HPSE2: variants seen among roughly 807,000 people sequenced by gnomAD.
HPSE2 encodes heparanase 2 (inactive), also known as inactive heparanase-2.
In HPSE2, 38 loss-of-function variants were observed where a neutral mutation model predicts 60.5. The ratio of observed to expected loss-of-function variants is 0.63; its 90% CI spans 0.48 to 0.82. The LOEUF (loss-of-function observed/expected upper bound fraction) is 0.82. Ranked by LOEUF, HPSE2 falls within the 40% of genes least tolerant of loss-of-function variation. The pLI is 0.00. For synonymous variants in HPSE2, 295 were observed against 293.2 expected (o/e 1.01, Z -0.06); for missense variants, 713 against 740.4 (o/e 0.96, Z 0.43).
chr10:99,235,294 G>A (rs953600674), intron 1 of HPSE2, among the ~76,000 whole-genome samples: 1 of 152,142 alleles, frequency 6.6e-6, no homozygotes, highest in African/African-American at 2.4e-5. Flanking sequence ...AATGCCTTCT[G>A]CATTGCAAAC....
the HPSE2 span, among the ~76,000 whole-genome samples, chr10:99,247,195 A>G: frequency 6.6e-6 from 1 of 152,194 alleles, no homozygotes; most frequent in East Asian, 1.9e-4. Context: ...ACAAAGATAA[A>G]CTATCTTAAT....
In HPSE2 at chr10:99,062,495, T is replaced by C. The variant is rs79536585; in HGVS notation, c.610+81743A>G. 4.5e-3 allele frequency among the ~76,000 whole-genome samples: 687 copies of C among 152,272 alleles called. 3 individuals are homozygous for C. Among genetic ancestry groups the C allele is most frequent in the African/African-American group, 0.016 (657 of 41,560 alleles). On this transcript the variant is annotated intron_variant, in intron 3 of 11. Transcript: ENST00000370552. Reference sequence around the variant, plus strand: ...CTTCCCATTAAATATTTTGAGAGCATTTTAAATAGCTTTTTTTTTCTGTTG... The same window carrying C: ...CTTCCCATTAAATATTTTGAGAGCACTTTAAATAGCTTTTTTTTTCTGTTG...
intron 2 of HPSE2, among the ~76,000 whole-genome samples, chr10:99,197,699 A>G (rs1246178917): frequency 6.6e-6 from 1 of 152,112 alleles, no homozygotes; most frequent in Non-Finnish European, 1.5e-5. Context: ...AACAAGACAG[A>G]GAGAATATAT....
intron 9 of HPSE2, among the ~76,000 whole-genome samples, chr10:98,574,660 G>A (rs1944593173): frequency 6.7e-6 from 1 of 149,612 alleles, no homozygotes; most frequent in African/African-American, 2.5e-5. Flanking sequence ...GCAAAGCCCA[G>A]GGAGCAGTGA....
intron 3 of HPSE2, among the ~76,000 whole-genome samples, chr10:98,866,140 A>G (rs1207803579): frequency 6.6e-6 from 1 of 152,170 alleles, no homozygotes; most frequent in Non-Finnish European, 1.5e-5. Flanking sequence ...GACATACTGT[A>G]CTTCCATATG....
chr10:98,792,640 CAAAAA>C (rs60889251), intron 3 of HPSE2, among the ~76,000 whole-genome samples: 1 of 139,720 alleles, frequency 7.2e-6, no homozygotes. Flanking sequence ...CAAATTCCTA[CAAAAA>C]AAAAAAAAAA....
chr10:98,570,301 C>G (rs1185895625), intron 9 of HPSE2, among the ~76,000 whole-genome samples: 2 of 152,176 alleles, frequency 1.3e-5, no homozygotes, highest in Non-Finnish European at 2.9e-5. Context: ...ATCTGCATGG[C>G]ACGGCTCCTG....
chr10:98,730,367 T>C (rs866397438), intron 4 of HPSE2, among the ~76,000 whole-genome samples: 34 of 152,182 alleles, frequency 2.2e-4, no homozygotes, highest in African/African-American at 7.5e-4. Flanking sequence ...GTGCCTATAT[T>C]AGAAATGAAC....
chr10:98,807,077 A>G (rs1034553026), intron 3 of HPSE2, among the ~76,000 whole-genome samples: 3 of 152,200 alleles, frequency 2.0e-5, no homozygotes, highest in Admixed American at 2.0e-4. Context: ...CAGGAGGTGG[A>G]TGTTGCAGTG....
chr10:98,788,934 C>G (rs1014005342), intron 3 of HPSE2, among the ~76,000 whole-genome samples: 2 of 152,122 alleles, frequency 1.3e-5, no homozygotes, highest in Non-Finnish European at 2.9e-5. Context: ...AGCTGTAGAC[C>G]GGAGCTGTTC....
intron 2 of HPSE2, among the ~76,000 whole-genome samples, chr10:99,145,027 A>G (rs1268104942): frequency 6.6e-6 from 1 of 152,208 alleles, no homozygotes; most frequent in Admixed American, 6.5e-5. Flanking sequence ...TGAAGAGAGC[A>G]CAGGAGGTCT....
chr10:98,848,087 A>C (rs948713801), intron 3 of HPSE2, among the ~76,000 whole-genome samples: 1 of 152,248 alleles, frequency 6.6e-6, no homozygotes, highest in African/African-American at 2.4e-5. Context: ...CAAGGGAGTT[A>C]ATTCAGGGTA....
chr10:99,110,063 TAAAGAG>T (rs1040183646), intron 3 of HPSE2, among the ~76,000 whole-genome samples: 1 of 152,184 alleles, frequency 6.6e-6, no homozygotes, highest in African/African-American at 2.4e-5. Flanking sequence ...TTAAACATCA[TAAAGAG>T]AATTATCTGA....
At chr10:98,561,326 C>T (rs924248500) in intron 9 of HPSE2, among the ~76,000 whole-genome samples, 4 of 151,834 alleles carry the variant, frequency 2.6e-5, no homozygotes. Flanking sequence ...CCCTTGTAGG[C>T]CCAGGCCAAC....
intron 2 of HPSE2, among the ~76,000 whole-genome samples, chr10:99,228,747 A>G (rs532845819): frequency 6.6e-6 from 1 of 152,352 alleles, no homozygotes; most frequent in South Asian, 2.1e-4. Context: ...TCCCAAAGTG[A>G]TACATAAACA....
the HPSE2 span, among the ~76,000 whole-genome samples, chr10:99,250,463 A>G: frequency 1.3e-5 from 2 of 152,220 alleles, no homozygotes; most frequent in Non-Finnish European, 2.9e-5. Flanking sequence ...CACAAATATA[A>G]CAAAGAATCT....
chr10:98,495,942 T>C (rs1591269708), intron 9 of HPSE2, among the ~76,000 whole-genome samples: 1 of 152,216 alleles, frequency 6.6e-6, no homozygotes, highest in East Asian at 1.9e-4. Context: ...GTATGCTTTG[T>C]AATTTTGTTG....
chr10:98,489,956 A>G (rs920021461), intron 10 of HPSE2, 95 bp downstream of exon 10: 22 of 1,475,664 alleles, frequency 1.5e-5, no homozygotes, highest in South Asian at 1.5e-4. Context: ...GTTTTTGATA[A>G]GATTAGTGAA....
Position 99,144,285 on chromosome 10 carries a change from A to G in HPSE2, c.563T>C (p.Leu188Pro), listed in dbSNP as rs1845970897. Residue 188 changes from leucine (L) to proline (P), a missense_variant, in exon 3 of 12, where the codon CTT becomes CCT. Leu to Pro is a moderately conservative substitution (Grantham distance 98). Coordinates refer to ENST00000370552, the MANE Select transcript of HPSE2 (RefSeq NM_021828.5). ...REKAAQMHLV[L>P]LKEQFSNTYS... ...AGTATTGGAGAATTGCTCCTTTAGA[A>G]GAACCAGATGCATCTGAGCTGCCTT... 6.2e-7 allele frequency: 1 copy of G among 1,614,018 alleles called. No homozygotes were observed. Among genetic ancestry groups the G allele is most frequent in the African/African-American group, 1.3e-5 (1 of 74,954 alleles).
Sources: gnomAD v4.1 joint callset for allele counts (sites outside exome capture counted in the v4.1 genomes callset) on GRCh38, gnomAD v4.1.1 for gene constraint, MANE v1.5 for transcripts, NCBI Gene and HGNC (gene_info 2026-07-23, HGNC 2026-07-21) for gene names.